THOC2: variants seen among roughly 807,000 people sequenced by gnomAD.
The protein encoded by THOC2 is THO complex subunit 2, also known as THO complex 2.
THOC2 carries 10 observed loss-of-function variants against 128.4 expected under a neutral mutation model. The ratio of observed to expected loss-of-function variants is 0.08; its 90% CI spans 0.05 to 0.13. The LOEUF is 0.13. Among genes scored for constraint, THOC2 ranks in the 10% least tolerant of loss-of-function variants. The pLI is 1.00. For missense variants in THOC2, 535 were observed against 1,155.7 expected (o/e 0.46, Z 7.79); for synonymous variants, 393 against 396.9 (o/e 0.99, Z 0.12).
At chrX:123,642,429 CAAAAAAA>C (rs746333788) in intron 15 of THOC2, among the ~76,000 whole-genome samples, 1 of 72,636 alleles carries the variant, frequency 1.4e-5, no homozygotes, top group East Asian at 4.0e-4. Context: ...CTCCATCTCC[CAAAAAAA>C]AAAAAAAAAA....
rs755179237 is a variant in THOC2, at chrX:123,637,760, G to A, written c.1921+283C>T. 3.9e-3 allele frequency among the ~76,000 whole-genome samples: 415 copies of A among 107,304 alleles called. 4 individuals are homozygous for A. Among genetic ancestry groups the A allele is most frequent in the Non-Finnish European group, 5.5e-3 (285 of 51,715 alleles). 93.2% of individuals were successfully genotyped at this position (107,304 alleles called of 115,157 possible). A position where few individuals can be genotyped will look rare whatever the true frequency, so the allele number is the denominator to read the frequency against. Reference sequence around the variant, plus strand: ...GGATGACAGAGTGAGACTCCATCTCGAAAAAAAAATAAAATAAAAAGAAGG... The same window carrying A: ...GGATGACAGAGTGAGACTCCATCTCAAAAAAAAAATAAAATAAAAAGAAGG... On this transcript the variant is annotated intron_variant, in intron 18 of 38. Transcript: ENST00000245838.
At chrX:123,678,367 G>A (rs757578091) in intron 8 of THOC2, among the ~76,000 whole-genome samples, 1 of 107,216 alleles carries the variant, frequency 9.3e-6, no homozygotes, top group African/African-American at 3.4e-5. Flanking sequence ...TCGCGTTCAA[G>A]TGATTCTCCT....
chrX:123,663,464 T>C lies in THOC2; in HGVS notation c.1386+2178A>G, dbSNP rs1444444637. Among the ~76,000 whole-genome samples, 3 of 110,505 alleles carry C rather than the reference T, an allele frequency of 2.7e-5. No homozygotes were observed. In the East Asian group the frequency reaches 8.5e-4, roughly 31 times the overall value. Reference sequence around the variant, plus strand: ...ATGATTGTGGTGGTGAACATACAACTGTATGCATTTGTCAAAACTCATAAA... The same window carrying C: ...ATGATTGTGGTGGTGAACATACAACCGTATGCATTTGTCAAAACTCATAAA... On this transcript the variant is annotated intron_variant, in intron 12 of 38. Transcript: ENST00000245838.
intron 22 of THOC2, among the ~76,000 whole-genome samples, chrX:123,628,573 T>C (rs1912273079): frequency 9.1e-6 from 1 of 110,365 alleles, no homozygotes; most frequent in South Asian, 3.9e-4. Context: ...TAGCCAGGCG[T>C]GGTGGCGCAG....
chrX:123,611,286 T>C (rs2046691385), intron 37 of THOC2, 154 bp downstream of exon 37: 1 of 145,103 alleles, frequency 6.9e-6, no homozygotes, highest in African/African-American at 3.2e-5. Context: ...CACTTCCAGA[T>C]TTCACACATT....
chrX:123,627,066 C>A (rs1195922025), intron 23 of THOC2, among the ~76,000 whole-genome samples: 1 of 112,589 alleles, frequency 8.9e-6, no homozygotes, highest in Non-Finnish European at 1.9e-5. Flanking sequence ...ATACTGCTGT[C>A]ATGAGTAATC....
At chrX:123,668,702 T>C (rs2049141578) in intron 9 of THOC2, among the ~76,000 whole-genome samples, 1 of 112,264 alleles carries the variant, frequency 8.9e-6, no homozygotes, top group African/African-American at 3.2e-5. Flanking sequence ...CATTGCAATA[T>C]GGATCCAATT....
At chrX:123,720,498 A>G (rs1226876399) in intron 1 of THOC2, among the ~76,000 whole-genome samples, 7 of 111,920 alleles carry the variant, frequency 6.3e-5, no homozygotes, top group Non-Finnish European at 5.6e-5. Flanking sequence ...GAAAAACAGT[A>G]TAGAGATTCC....
At chrX:123,731,692 C>A (rs2052265514) in intron 1 of THOC2, among the ~76,000 whole-genome samples, 1 of 110,494 alleles carries the variant, frequency 9.1e-6, no homozygotes, top group African/African-American at 3.3e-5. Flanking sequence ...CTAAGACAGC[C>A]GCTTATTTAG....
chrX:123,628,711 A>G (rs2047358487), intron 22 of THOC2, among the ~76,000 whole-genome samples: 2 of 108,551 alleles, frequency 1.8e-5, no homozygotes, highest in African/African-American at 3.4e-5. Context: ...ACTGTCTCAA[A>G]AAATAAAAAT....
chrX:123,702,574 A>G (rs1253508495), intron 4 of THOC2, among the ~76,000 whole-genome samples: 1 of 105,145 alleles, frequency 9.5e-6, no homozygotes, highest in Non-Finnish European at 1.9e-5. Context: ...TATTATACAC[A>G]TATATATTAT....
At chrX:123,705,147 T>C (rs1429371868) in intron 3 of THOC2, among the ~76,000 whole-genome samples, 2 of 111,765 alleles carry the variant, frequency 1.8e-5, no homozygotes, top group East Asian at 5.6e-4. Context: ...GGACAGTATA[T>C]AGTACTAAGA....
In THOC2 at chrX:123,632,129, A is replaced by G. The variant is rs1021204545; in HGVS notation, c.2317-277T>C. Reference sequence around the variant, plus strand: ...ATATTTACCTAAATCAAATAAAATAATAACCATAGGCAAACAGAAGTCAAT... The same window carrying G: ...ATATTTACCTAAATCAAATAAAATAGTAACCATAGGCAAACAGAAGTCAAT... On this transcript the variant is annotated intron_variant, in intron 21 of 38. Coordinates refer to ENST00000245838, the MANE Select transcript of THOC2 (RefSeq NM_001081550.2). 3.6e-5 allele frequency among the ~76,000 whole-genome samples: 4 copies of G among 111,402 alleles called. No homozygotes were observed. The Admixed American group carries it at 3.9e-4, about 11-fold the overall frequency.
intron 13 of THOC2, 86 bp downstream of exon 13, chrX:123,645,248 G>A (rs1873169380): frequency 1.5e-6 from 1 of 660,379 alleles, no homozygotes; most frequent in Non-Finnish European, 2.2e-6. Flanking sequence ...TCATACAGAT[G>A]ATTAAAGCTT....
intron 2 of THOC2, among the ~76,000 whole-genome samples, chrX:123,711,208 T>C (rs1434541319): frequency 9.6e-6 from 1 of 103,785 alleles, no homozygotes; most frequent in East Asian, 3.2e-4. Context: ...TTTGTTTTTT[T>C]TTTGGTAGAG....
chrX:123,645,319 T>C lies in THOC2; in HGVS notation c.1428+15A>G, dbSNP rs766189837. 4.6e-5 allele frequency: 52 copies of C among 1,121,103 alleles called. No homozygotes were observed. The highest frequency in any genetic ancestry group is 5.8e-5 in the Non-Finnish European group (48 of 832,117). 92.4% of individuals were successfully genotyped at this position (1,121,103 alleles called of 1,213,427 possible). The stretch of plus-strand genomic sequence containing the variant: ...CAAACATTAGACACATTATTGGATT[T>C]TTCTAGTCTCTTACCGTTTTTTCTT... On this transcript the variant is annotated intron_variant, in intron 13 of 38. Transcript: ENST00000245838.
intron 38 of THOC2, chrX:123,603,716 G>T: frequency 2.4e-6 from 1 of 408,993 alleles, no homozygotes; most frequent in Non-Finnish European, 4.4e-6. Context: ...TCCTCCTCTG[G>T]GAGACTTTCG....
At chrX:123,643,964 T>C (rs760914342) in intron 15 of THOC2, among the ~76,000 whole-genome samples, 2 of 112,293 alleles carry the variant, frequency 1.8e-5, no homozygotes, top group Non-Finnish European at 3.8e-5. Context: ...ACACTTGCAA[T>C]ACAGCAATAC....
At chrX:123,619,324 G>T in intron 33 of THOC2, 77 bp downstream of exon 33, 1 of 592,708 alleles carries the variant, frequency 1.7e-6, no homozygotes, top group Non-Finnish European at 2.8e-6. Context: ...AATGTACTAG[G>T]GTGAGGACAT....
Sources: allele counts gnomAD v4.1 joint callset (sites outside exome capture counted in the v4.1 genomes callset), GRCh38; gene constraint gnomAD v4.1.1; transcripts MANE v1.5; gene names NCBI Gene and HGNC (gene_info 2026-07-23, HGNC 2026-07-21).